SLC71A1: variants seen among roughly 807,000 people sequenced by gnomAD.
SLC71A1 encodes hippocampus abundant gene transcript 1.
chr1:100,038,098 G>A, the SLC71A1 span: 2 of 732,016 alleles, frequency 2.7e-6, no homozygotes, highest in Non-Finnish European at 2.3e-6. Flanking sequence ...CGCCGCCGGA[G>A]GCAGGCCGGG....
the SLC71A1 span, among the ~76,000 whole-genome samples, chr1:100,074,302 C>T: frequency 2.0e-5 from 3 of 152,228 alleles, no homozygotes; most frequent in Admixed American, 6.5e-5. Context: ...TGGCCGGGCA[C>T]GGTGGCCCAC....
chr1:100,041,246 T>A, the SLC71A1 span, among the ~76,000 whole-genome samples: 3 of 152,244 alleles, frequency 2.0e-5, no homozygotes, highest in Non-Finnish European at 4.4e-5. Flanking sequence ...TGAAATTGTA[T>A]TTCATTGAAT....
At chr1:100,080,675 C>A in the SLC71A1 span, 1 of 1,607,544 alleles carries the variant, frequency 6.2e-7, no homozygotes, top group Non-Finnish European at 8.5e-7. Context: ...TCTCATTCAA[C>A]ATGATCAAAT....
chr1:100,058,763 A>G, the SLC71A1 span: 57 of 986,688 alleles, frequency 5.8e-5, no homozygotes, highest in Middle Eastern at 2.1e-4. Context: ...GTGTATATAT[A>G]CATACATACA....
At chr1:100,071,289 C>CAAAAAAAAAAAAAAAAAAAAAAAAA in the SLC71A1 span, among the ~76,000 whole-genome samples, 1 of 53,342 alleles carries the variant, frequency 1.9e-5, no homozygotes, top group Non-Finnish European at 3.5e-5. Flanking sequence ...CCATCTCTAC[C>CAAAAAAAAAAAAAAAAAAAAAAAAA]AAAAAAAAAA....
At chr1:100,063,267 AAAC>A in the SLC71A1 span, among the ~76,000 whole-genome samples, 2 of 105,664 alleles carry the variant, frequency 1.9e-5, no homozygotes, top group African/African-American at 5.1e-5. Context: ...TTCTGGCAAA[AAAC>A]AAAACAAAAC....
chr1:100,076,938 G>C, the SLC71A1 span, among the ~76,000 whole-genome samples: 3 of 152,076 alleles, frequency 2.0e-5, no homozygotes, highest in African/African-American at 7.2e-5. Flanking sequence ...TACTGAATAG[G>C]AAGTTTTATC....
chr1:100,065,437 CT>C, the SLC71A1 span, among the ~76,000 whole-genome samples: 1 of 151,684 alleles, frequency 6.6e-6, no homozygotes, highest in South Asian at 2.1e-4. Context: ...GAATATGGTC[CT>C]TTTCCTTTCC....
At chr1:100,046,211 C>G in the SLC71A1 span, among the ~76,000 whole-genome samples, 5,452 of 69,474 alleles carry the variant, frequency 0.078, 138 homozygotes, top group Middle Eastern at 0.11. Flanking sequence ...CTCCAAGCCT[C>G]GTTTTTTTTT....
At chr1:100,080,581 C>A in the SLC71A1 span, 1 of 1,613,038 alleles carries the variant, frequency 6.2e-7, no homozygotes, top group African/African-American at 1.3e-5. Context: ...TCTACATATT[C>A]CATGTGGAAC....
the SLC71A1 span, chr1:100,078,597 T>C: frequency 1.6e-6 from 2 of 1,276,426 alleles, no homozygotes; most frequent in East Asian, 2.3e-5. Context: ...CAGAATGTTC[T>C]AATCCTGTGT....
chr1:100,072,595 C>A, the SLC71A1 span, among the ~76,000 whole-genome samples: 1 of 148,874 alleles, frequency 6.7e-6, no homozygotes, highest in Non-Finnish European at 1.5e-5. Context: ...AAAAAAAAAA[C>A]TTAAAAAATT....
chr1:100,042,230 T>G, the SLC71A1 span, among the ~76,000 whole-genome samples: 3 of 152,264 alleles, frequency 2.0e-5, no homozygotes, highest in Non-Finnish European at 4.4e-5. Flanking sequence ...TGTATAGTTC[T>G]TTCAGAAGTT....
the SLC71A1 span, among the ~76,000 whole-genome samples, chr1:100,041,934 A>G: frequency 1.3e-5 from 2 of 152,248 alleles, no homozygotes; most frequent in South Asian, 4.1e-4. Context: ...AAAAAAAAAA[A>G]AAGAAGTTTT....
chr1:100,068,394 G>A, the SLC71A1 span: 1 of 1,036,516 alleles, frequency 9.6e-7, no homozygotes, highest in Admixed American at 2.1e-5. Flanking sequence ...CTGCCAAAAG[G>A]AATCTCTGCG....
chr1:100,040,779 G>A, the SLC71A1 span, among the ~76,000 whole-genome samples: 1 of 152,026 alleles, frequency 6.6e-6, no homozygotes, highest in African/African-American at 2.4e-5. Context: ...TTTAAGAAAG[G>A]GGAAAAAATT....
At chr1:100,073,431 T>C in the SLC71A1 span, among the ~76,000 whole-genome samples, 1 of 152,234 alleles carries the variant, frequency 6.6e-6, no homozygotes. Flanking sequence ...TCTGTTTCAG[T>C]CCAGGGCCTT....
chr1:100,068,194 C>T, the SLC71A1 span: 21 of 1,612,476 alleles, frequency 1.3e-5, no homozygotes, highest in Middle Eastern at 1.8e-4. Context: ...GACCCTTTTG[C>T]GGTAAGTTTA....
the SLC71A1 span, among the ~76,000 whole-genome samples, chr1:100,065,050 GT>G: frequency 7.9e-5 from 12 of 151,804 alleles, no homozygotes; most frequent in Admixed American, 2.0e-4. Context: ...ATTTTTGTAT[GT>G]TTTGTAGTGA....
Sources: allele counts gnomAD v4.1 joint callset (sites outside exome capture counted in the v4.1 genomes callset), GRCh38; gene constraint gnomAD v4.1.1; transcripts MANE v1.5; gene names NCBI Gene and HGNC (gene_info 2026-07-23, HGNC 2026-07-21).